Variants in NAALADL2 observed in about 807,000 individuals in gnomAD.
NAALADL2 encodes the protein N-acetylated alpha-linked acidic dipeptidase like 2.
A neutral mutation model predicts 87.2 loss-of-function variants in NAALADL2; 76 were observed. The ratio of observed to expected loss-of-function variants is 0.87; its 90% CI spans 0.72 to 1.05. The LOEUF (loss-of-function observed/expected upper bound fraction) is 1.05. Ranked by LOEUF, NAALADL2 falls within the 50% of genes least tolerant of loss-of-function variation. NAALADL2 has a pLI of 0.00. For missense variants in NAALADL2, 1,089 were observed against 945.8 expected (o/e 1.15, Z -1.99); for synonymous variants, 354 against 331.0 (o/e 1.07, Z -0.75).
At chr3:174,669,436 G>A (rs1304448551) in intron 2 of NAALADL2, among the ~76,000 whole-genome samples, 1 of 151,964 alleles carries the variant, frequency 6.6e-6, no homozygotes, top group Non-Finnish European at 1.5e-5. Flanking sequence ...TCATGTAAGG[G>A]TCAACTTCAT....
At chr3:175,188,764 G>C (rs1223939589) in intron 2 of NAALADL2, among the ~76,000 whole-genome samples, 1 of 152,048 alleles carries the variant, frequency 6.6e-6, no homozygotes, top group Non-Finnish European at 1.5e-5. Flanking sequence ...TGGATTCACA[G>C]CCTAAACTCT....
chr3:175,039,319 A>C (rs1753778376), intron 1 of NAALADL2, among the ~76,000 whole-genome samples: 1 of 152,154 alleles, frequency 6.6e-6, no homozygotes, highest in African/African-American at 2.4e-5. Flanking sequence ...GGCATGTGCC[A>C]CGACGCCTGG....
intron 2 of NAALADL2, among the ~76,000 whole-genome samples, chr3:175,097,720 C>G (rs1474123477): frequency 4.6e-5 from 7 of 151,946 alleles, no homozygotes; most frequent in African/African-American, 1.7e-4. Context: ...AAAGTTTCAC[C>G]GATGTCATAT....
chr3:175,747,906 T>C (rs947103356), intron 12 of NAALADL2, among the ~76,000 whole-genome samples: 2 of 152,152 alleles, frequency 1.3e-5, no homozygotes, highest in Middle Eastern at 3.2e-3. Context: ...ACAGACAATT[T>C]AGGGAACCCA....
At chr3:175,722,923 T>G (rs970800003) in intron 11 of NAALADL2, among the ~76,000 whole-genome samples, 2 of 152,108 alleles carry the variant, frequency 1.3e-5, no homozygotes, top group Non-Finnish European at 2.9e-5. Flanking sequence ...TATGATACAA[T>G]GATGCACAGT....
intron 2 of NAALADL2, among the ~76,000 whole-genome samples, chr3:174,571,408 C>T (rs1578198211): frequency 1.3e-5 from 2 of 152,076 alleles, no homozygotes; most frequent in South Asian, 2.1e-4. Context: ...CAGAGTTTCG[C>T]TCTTTTTGCC....
At chr3:175,573,809 G>T (rs1718451251) in intron 9 of NAALADL2, among the ~76,000 whole-genome samples, 1 of 152,142 alleles carries the variant, frequency 6.6e-6, no homozygotes, top group African/African-American at 2.4e-5. Context: ...TTGAAAAGAA[G>T]CAAATTGCTG....
chr3:174,725,772 T>G (rs1222922296), intron 2 of NAALADL2, among the ~76,000 whole-genome samples: 1 of 152,190 alleles, frequency 6.6e-6, no homozygotes, highest in Non-Finnish European at 1.5e-5. Flanking sequence ...TGTTCTAATT[T>G]GAACCACAGT....
chr3:174,637,102 A>G (rs1377041863), intron 2 of NAALADL2, among the ~76,000 whole-genome samples: 1 of 152,118 alleles, frequency 6.6e-6, no homozygotes, highest in Non-Finnish European at 1.5e-5. Context: ...TCTCATTAAT[A>G]TATGAGAGTG....
intron 5 of NAALADL2, among the ~76,000 whole-genome samples, chr3:175,334,843 A>G (rs1229273114): frequency 6.6e-6 from 1 of 152,132 alleles, no homozygotes; most frequent in African/African-American, 2.4e-5. Context: ...ACTTTGTGTT[A>G]TTGGGACCGT....
intron 3 of NAALADL2, among the ~76,000 whole-genome samples, chr3:174,828,310 C>T (rs924468048): frequency 3.9e-5 from 6 of 152,222 alleles, no homozygotes; most frequent in African/African-American, 1.4e-4. Context: ...TACACTTGCC[C>T]TGATTAATAT....
Position 175,809,891 on chromosome 3 carries a change from G to C in NAALADL2, c.*6688G>C, listed in dbSNP as rs1013658225. The stretch of plus-strand genomic sequence containing the variant: ...TTAAAATGAAGAATAGGGATGAGCA[G>C]GAGAAAATTTATAAATTAACCCAGG... On this transcript the variant is annotated 3_prime_UTR_variant, in exon 14 of 14. Coordinates refer to ENST00000454872, the MANE Select transcript of NAALADL2 (RefSeq NM_207015.3). 1 of 151,892 alleles carries C rather than the reference G, an allele frequency of 6.6e-6. No homozygotes were observed. Among genetic ancestry groups the C allele is most frequent in the Non-Finnish European group, 1.5e-5 (1 of 67,930 alleles). 9.4% of individuals were successfully genotyped at this position (151,892 alleles called of 1,614,324 possible). A position where few individuals can be genotyped will look rare whatever the true frequency, so the allele number is the denominator to read the frequency against.
intron 2 of NAALADL2, among the ~76,000 whole-genome samples, chr3:174,660,039 A>C (rs890669667): frequency 3.9e-5 from 6 of 152,198 alleles, no homozygotes; most frequent in African/African-American, 1.2e-4. Flanking sequence ...TATAATAAAC[A>C]CTTTTATTTT....
intron 3 of NAALADL2, among the ~76,000 whole-genome samples, chr3:175,239,876 T>C (rs1746533158): frequency 6.6e-6 from 1 of 152,126 alleles, no homozygotes; most frequent in Admixed American, 6.6e-5. Context: ...GAAGAAATGA[T>C]ATAAACCATG....
intron 2 of NAALADL2, among the ~76,000 whole-genome samples, chr3:174,613,773 C>T (rs547412923): frequency 6.6e-6 from 1 of 152,306 alleles, no homozygotes; most frequent in South Asian, 2.1e-4. Flanking sequence ...GTAGTCTACC[C>T]TTCTGTTGCA....
In NAALADL2 at chr3:175,436,599, C is replaced by T. The variant is rs560633489; in HGVS notation, c.1091-10630C>T. Among the ~76,000 whole-genome samples the T allele has an allele frequency of 1.0e-3, 147 of 145,748 alleles. 3 individuals are homozygous for T. Among genetic ancestry groups the T allele is most frequent in the African/African-American group, 2.7e-3 (102 of 37,870 alleles). The stretch of plus-strand genomic sequence containing the variant: ...TTTTGATTTGCATTTCTCTGATGGC[C>T]AGTGATGATGAGCATTTTTTCATGT... On this transcript the variant is annotated intron_variant, in intron 5 of 13. Coordinates refer to ENST00000454872, the MANE Select transcript of NAALADL2 (RefSeq NM_207015.3).
chr3:175,547,683 C>A, intron 9 of NAALADL2, among the ~76,000 whole-genome samples: 1 of 151,908 alleles, frequency 6.6e-6, no homozygotes, highest in Non-Finnish European at 1.5e-5. Flanking sequence ...TAATATCCAG[C>A]ATCTATAAGG....
At chr3:175,588,823 C>A (rs772244278) in intron 10 of NAALADL2, among the ~76,000 whole-genome samples, 1 of 152,092 alleles carries the variant, frequency 6.6e-6, no homozygotes, top group East Asian at 1.9e-4. Flanking sequence ...TAGGCGTGAG[C>A]CACCGTGCCC....
chr3:175,019,093 C>A lies in NAALADL2; in HGVS notation c.44-77697C>A, dbSNP rs114873601. 4.6e-3 allele frequency among the ~76,000 whole-genome samples: 699 copies of A among 152,098 alleles called. 10 individuals are homozygous for A. Among genetic ancestry groups the A allele is most frequent in the African/African-American group, 0.016 (666 of 41,532 alleles). Reference sequence around the variant, plus strand: ...CCTGTAGGCATAATATTATACCACTCCTGCTGAGCTGACTGGCATTTATTT... The same window carrying A: ...CCTGTAGGCATAATATTATACCACTACTGCTGAGCTGACTGGCATTTATTT... On this transcript the variant is annotated intron_variant, in intron 1 of 13. Coordinates refer to ENST00000454872, the MANE Select transcript of NAALADL2 (RefSeq NM_207015.3).
Sources: allele counts gnomAD v4.1 joint callset (sites outside exome capture counted in the v4.1 genomes callset), GRCh38; gene constraint gnomAD v4.1.1; transcripts MANE v1.5; gene names NCBI Gene and HGNC (gene_info 2026-07-23, HGNC 2026-07-21).